Variants in FBN2 observed in about 807,000 individuals in gnomAD.
FBN2 encodes fibrillin 2, also known as fibrillin-2.
In FBN2, 105 loss-of-function variants were observed where a neutral mutation model predicts 355.6. The observed-to-expected ratio is 0.30, with a 90% CI of 0.25 to 0.35. FBN2 has a LOEUF of 0.35. Among genes scored for constraint, FBN2 ranks in the 10% least tolerant of loss-of-function variants. The probability of loss-of-function intolerance (pLI) is 1.00; values close to 1 mark genes in which losing one functional copy is unlikely to be tolerated. For missense variants in FBN2, 3,280 were observed against 3,758.7 expected (o/e 0.87, Z 3.33); for synonymous variants, 1,350 against 1,301.2 (o/e 1.04, Z -0.81).
intron 8 of FBN2, among the ~76,000 whole-genome samples, chr5:128,402,394 A>G (rs1431098246): frequency 6.6e-6 from 1 of 152,144 alleles, no homozygotes; most frequent in Non-Finnish European, 1.5e-5. Context: ...TTTCCTGAAC[A>G]AGGCTTACAA....
At chr5:128,364,340 G>T (rs1216801760) in intron 18 of FBN2, among the ~76,000 whole-genome samples, 1 of 152,044 alleles carries the variant, frequency 6.6e-6, no homozygotes, top group Non-Finnish European at 1.5e-5. Flanking sequence ...TAAGGTATAT[G>T]CAGGAAAACA....
At position 128,395,128 on chromosome 5, in the gene FBN2, C is replaced by T. The variant is rs1216859458; in HGVS notation, c.1225G>A (p.Gly409Ser). ...CTAACAGCCAGCCACGTACCAGAAC[C>T]TCTGACAGGACAGGCTTCAGGAATG... ...GTIPEACPVR[G>S]SEEYRRLCMD... Residue 409 changes from glycine to serine, a missense_variant, in exon 9 of 65, where the codon GGT becomes AGT. Physicochemically the swap from Gly to Ser is moderately conservative, Grantham distance 56. Around this residue, in one of 6 missense-constraint regions of FBN2, gnomAD observed 343 missense variants for 331.0 expected, o/e 1.04. Transcript: ENST00000262464. 10 of 1,614,094 alleles carry T rather than the reference C, an allele frequency of 6.2e-6. No homozygotes were observed. Among genetic ancestry groups the T allele is most frequent in the Non-Finnish European group, 8.5e-6 (10 of 1,179,988 alleles).
chr5:128,349,998 A>C lies in FBN2; in HGVS notation c.2820T>G (p.Ala940=). The C allele has an allele frequency of 6.2e-7, 1 of 1,613,772 alleles. No homozygotes were observed. Among genetic ancestry groups the C allele is most frequent in the East Asian group, 2.2e-5 (1 of 44,874 alleles). ...TAATCCTGGCAAGCCCTCTTGGGCA[A>C]GCTGTATCTGTAACAACAACAGGAC... ...SPCERCELDT[A]CPRGLARIKG... The change falls in exon 22 of 65, where the codon GCT becomes GCG. Residue 940 remains alanine, a synonymous_variant. Coordinates refer to ENST00000262464, the MANE Select transcript of FBN2 (RefSeq NM_001999.4).
chr5:128,351,224 G>GA (rs5871304), intron 20 of FBN2, among the ~76,000 whole-genome samples: 5 of 142,924 alleles, frequency 3.5e-5, no homozygotes, highest in African/African-American at 7.8e-5. Context: ...TCCACCAGAG[G>GA]AAAAAAAAAA....
chr5:128,360,508 G>T (rs1751611755), intron 19 of FBN2, among the ~76,000 whole-genome samples: 1 of 152,072 alleles, frequency 6.6e-6, no homozygotes, highest in Non-Finnish European at 1.5e-5. Context: ...GACAATAGGG[G>T]AAACTGTCAC....
At chr5:128,407,980 G>A (rs1752974739) in intron 8 of FBN2, among the ~76,000 whole-genome samples, 1 of 152,178 alleles carries the variant, frequency 6.6e-6, no homozygotes, top group South Asian at 2.1e-4. Flanking sequence ...TGAATCTTTA[G>A]TGCCAGTAAA....
intron 47 of FBN2, 35 bp downstream of exon 47, chr5:128,301,347 A>G (rs769220916): frequency 1.3e-6 from 2 of 1,594,006 alleles, no homozygotes; most frequent in Admixed American, 1.7e-5. Flanking sequence ...ACAAAACATA[A>G]CACCACAAAG....
At chr5:128,330,079 T>C (rs1046850095) in intron 33 of FBN2, among the ~76,000 whole-genome samples, 3 of 152,230 alleles carry the variant, frequency 2.0e-5, no homozygotes, top group African/African-American at 4.8e-5. Flanking sequence ...ATAGCAGTGA[T>C]TGGATAGGTC....
chr5:128,493,149 T>C (rs770621457), intron 5 of FBN2, among the ~76,000 whole-genome samples: 5 of 152,130 alleles, frequency 3.3e-5, no homozygotes, highest in Non-Finnish European at 7.3e-5. Flanking sequence ...AAATACTGAA[T>C]GCTAGATGTA....
At chr5:128,389,850 A>T (rs930130624) in intron 11 of FBN2, among the ~76,000 whole-genome samples, 5 of 152,040 alleles carry the variant, frequency 3.3e-5, no homozygotes, top group Non-Finnish European at 7.4e-5. Context: ...GCTTCCTCCT[A>T]CTTCAGTCCA....
At chr5:128,439,243 C>T (rs1166262029) in intron 7 of FBN2, among the ~76,000 whole-genome samples, 1 of 152,026 alleles carries the variant, frequency 6.6e-6, no homozygotes, top group African/African-American at 2.4e-5. Context: ...ATAGACAAAA[C>T]AACTTTTTAG....
At chr5:128,537,095 G>A (rs1756869183) in intron 1 of FBN2, among the ~76,000 whole-genome samples, 1 of 152,190 alleles carries the variant, frequency 6.6e-6, no homozygotes, top group Admixed American at 6.5e-5. Context: ...CACGCTCTGC[G>A]ATCGGCACCC....
intron 7 of FBN2, among the ~76,000 whole-genome samples, chr5:128,441,133 A>C (rs562882955): frequency 6.6e-6 from 1 of 152,238 alleles, no homozygotes; most frequent in Admixed American, 6.5e-5. Flanking sequence ...TCATTTTTTC[A>C]GGGCAGACAG....
chr5:128,485,224 T>C (rs1357140365), intron 5 of FBN2, among the ~76,000 whole-genome samples: 1 of 151,434 alleles, frequency 6.6e-6, no homozygotes, highest in Non-Finnish European at 1.5e-5. Flanking sequence ...GGTCTTGCCA[T>C]GTTGCCCAGG....
intron 6 of FBN2, among the ~76,000 whole-genome samples, chr5:128,449,402 AT>A (rs1219601117): frequency 3.0e-5 from 3 of 99,458 alleles, no homozygotes; most frequent in Non-Finnish European, 5.8e-5. Context: ...AGTATACTGT[AT>A]AATTATATAG....
At chr5:128,521,222 T>C (rs1394155857) in intron 4 of FBN2, among the ~76,000 whole-genome samples, 1 of 152,122 alleles carries the variant, frequency 6.6e-6, no homozygotes, top group Non-Finnish European at 1.5e-5. Context: ...TGCAGCGACA[T>C]GGATGAAGGT....
intron 7 of FBN2, among the ~76,000 whole-genome samples, chr5:128,424,514 A>G (rs1753436111): frequency 6.6e-6 from 1 of 152,156 alleles, no homozygotes; most frequent in South Asian, 2.1e-4. Flanking sequence ...GGTCTGTCAC[A>G]TTATATCATT....
At chr5:128,394,448 T>C (rs1752595371) in intron 9 of FBN2, among the ~76,000 whole-genome samples, 2 of 152,162 alleles carry the variant, frequency 1.3e-5, no homozygotes, top group Admixed American at 1.3e-4. Context: ...AGAGGAAATA[T>C]CTTCAAGGAC....
Position 128,314,375 on chromosome 5 carries a change from G to T in FBN2, c.4718-1580C>A, listed in dbSNP as rs765695504. Among the ~76,000 whole-genome samples the T allele has an allele frequency of 5.9e-5, 9 of 151,766 alleles. No homozygotes were observed. In the South Asian group the frequency reaches 1.5e-3, roughly 25 times the overall value. On this transcript the variant is annotated intron_variant, in intron 36 of 64. Coordinates refer to ENST00000262464, the MANE Select transcript of FBN2 (RefSeq NM_001999.4). Reference sequence around the variant, plus strand: ...GGAGTCTTCCTCTGTTGCCAAGCTGGAGTACAGTGGCACTATCTCGGCCCA... The same window carrying T: ...GGAGTCTTCCTCTGTTGCCAAGCTGTAGTACAGTGGCACTATCTCGGCCCA...
Sources: gnomAD v4.1 joint callset for allele counts (sites outside exome capture counted in the v4.1 genomes callset) on GRCh38, gnomAD v4.1.1 for gene constraint, gnomAD v4.1.1 regional missense constraint, MANE v1.5 for transcripts, NCBI Gene and HGNC (gene_info 2026-07-23, HGNC 2026-07-21) for gene names.